Variants in POLN observed in about 807,000 individuals in gnomAD.
POLN encodes the protein DNA polymerase nu.
A neutral mutation model predicts 113.5 loss-of-function variants in POLN; 108 were observed. That is an observed-to-expected ratio of 0.95 (90% confidence interval 0.81 to 1.12). POLN has a LOEUF of 1.12. Ranked by LOEUF, POLN falls within the 50% of genes most tolerant of loss-of-function variation. The probability of loss-of-function intolerance (pLI) is 0.00; values close to 1 mark genes in which losing one functional copy is unlikely to be tolerated. For synonymous variants in POLN, 386 were observed against 391.5 expected (o/e 0.99, Z 0.17); for missense variants, 1,097 against 1,077.1 (o/e 1.02, Z -0.26).
At chr4:2,098,211 C>T (rs777971242) in intron 19 of POLN, among the ~76,000 whole-genome samples, 4 of 152,128 alleles carry the variant, frequency 2.6e-5, no homozygotes, top group East Asian at 1.9e-4. Context: ...GCCAGGAGTT[C>T]GAAACCAGCC....
intron 7 of POLN, among the ~76,000 whole-genome samples, chr4:2,182,642 C>T (rs1280009197): frequency 1.3e-5 from 2 of 152,102 alleles, no homozygotes; most frequent in African/African-American, 2.4e-5. Flanking sequence ...CAGACCCCTA[C>T]CTCACACCAT....
intron 4 of POLN, among the ~76,000 whole-genome samples, chr4:2,208,891 G>C (rs1364551863): frequency 6.6e-6 from 1 of 152,152 alleles, no homozygotes; most frequent in Non-Finnish European, 1.5e-5. Flanking sequence ...GGGAGGCTGA[G>C]GCAGGAGAAT....
rs773267145 is a variant in POLN at position 2,157,857 on chromosome 4, C to T, written c.1665+1G>A. 1 of 1,601,082 alleles carries T rather than the reference C, an allele frequency of 6.2e-7. No individual in the cohort carries two copies. Reference sequence around the variant, plus strand: ...CAGTATCTTTTTGTAAAGCTTGTTACCTTTTTCATGCAAGCTAGTAATCCA... The same window carrying T: ...CAGTATCTTTTTGTAAAGCTTGTTATCTTTTTCATGCAAGCTAGTAATCCA... On this transcript the variant is annotated splice_donor_variant, in intron 15 of 25. Coordinates refer to ENST00000511885, the MANE Select transcript of POLN (RefSeq NM_181808.4). LOFTEE classifies it high-confidence loss of function.
rs1731605134 is a variant in POLN at position 2,127,219 on chromosome 4, A to T, written c.1982+894T>A. On this transcript the variant is annotated intron_variant, in intron 19 of 25. Coordinates refer to ENST00000511885, the MANE Select transcript of POLN (RefSeq NM_181808.4). The surrounding 1 kb of genome is among the most constrained non-coding windows in gnomAD (Gnocchi z 4.7). ...AAGGTGATGGGGAGGTGGCACCTGC[A>T]GCTGATGAGGGAGGGGACAGTGACT... Among the ~76,000 whole-genome samples the T allele has an allele frequency of 6.6e-6, 1 of 151,776 alleles. No homozygotes were observed. Among genetic ancestry groups the T allele is most frequent in the South Asian group, 2.1e-4 (1 of 4,808 alleles).
intron 16 of POLN, among the ~76,000 whole-genome samples, chr4:2,154,684 T>C (rs646893): frequency 6.6e-6 from 1 of 152,202 alleles, no homozygotes; most frequent in Admixed American, 6.5e-5. Flanking sequence ...GTACCAAAAA[T>C]GTTCATGGTA....
In POLN at chr4:2,085,677, A is replaced by T. The variant is rs34554757; in HGVS notation, c.2133T>A (p.Phe711Leu). ...CCTTGATTTTCTTGTACTTCTGCAAAAAACTCTCCAAAAACTGGGCAGCTT... is the reference window on the plus strand; with the variant it reads ...CCTTGATTTTCTTGTACTTCTGCAATAAACTCTCCAAAAACTGGGCAGCTT... ...IQEAAQFLES[F>L]LQKYKKIKDF... Residue 711 changes from phenylalanine (F) to leucine (L), a missense_variant, in exon 21 of 26, where the codon TTT becomes TTA. Physicochemically the swap from Phe to Leu is conservative, Grantham distance 22. Coordinates refer to ENST00000511885, the MANE Select transcript of POLN (RefSeq NM_181808.4). 1 of 1,614,150 alleles carries T rather than the reference A, an allele frequency of 6.2e-7. No homozygotes were observed. The highest frequency in any genetic ancestry group is 2.2e-5 in the East Asian group (1 of 44,888).
At chr4:2,178,342 G>C (rs1344500757) in intron 8 of POLN, among the ~76,000 whole-genome samples, 1 of 152,216 alleles carries the variant, frequency 6.6e-6, no homozygotes, top group Non-Finnish European at 1.5e-5. Flanking sequence ...GTGATTGCTT[G>C]AGCTAGCTCA....
At chr4:2,121,450 A>ATAT (rs542371348) in intron 19 of POLN, among the ~76,000 whole-genome samples, 405 of 119,956 alleles carry the variant, frequency 3.4e-3, no homozygotes, top group Middle Eastern at 8.2e-3. Flanking sequence ...AAAAAAAAAA[A>ATAT]AAATATATAT....
At chr4:2,185,339 G>A (rs1311683492) in intron 7 of POLN, among the ~76,000 whole-genome samples, 5 of 152,210 alleles carry the variant, frequency 3.3e-5, no homozygotes. Flanking sequence ...GTAAAATCCA[G>A]ACTGTGAGAA....
chr4:2,212,333 A>G (rs1174773921), intron 4 of POLN, among the ~76,000 whole-genome samples: 2 of 151,838 alleles, frequency 1.3e-5, no homozygotes, highest in East Asian at 1.9e-4. Context: ...AAATTTCTCA[A>G]TGTTTTGCCT....
intron 6 of POLN, among the ~76,000 whole-genome samples, chr4:2,194,563 GAGA>G (rs1286810033): frequency 6.6e-6 from 1 of 152,130 alleles, no homozygotes; most frequent in African/African-American, 2.4e-5. Context: ...GCTTATGAAG[GAGA>G]AGAACTGGGG....
chr4:2,186,516 A>G (rs1349699574), intron 7 of POLN, among the ~76,000 whole-genome samples: 1 of 152,192 alleles, frequency 6.6e-6, no homozygotes, highest in African/African-American at 2.4e-5. Context: ...GAAGTTTGCT[A>G]GAGCCGAGGC....
Position 2,207,653 on chromosome 4 carries a change from T to C in POLN, c.714+334A>G, listed in dbSNP as rs575259579. ...AAAGATGCTCAATGTCACTAGATAA[T>C]AGGGAAATACAATTTAAAACCACTA... On this transcript the variant is annotated intron_variant, in intron 5 of 25. Coordinates refer to ENST00000511885, the MANE Select transcript of POLN (RefSeq NM_181808.4). Among the ~76,000 whole-genome samples, 10 of 152,056 alleles carry C rather than the reference T, an allele frequency of 6.6e-5. No homozygotes were observed. The South Asian group carries it at 1.9e-3, about 28-fold the overall frequency.
rs561253990 is a variant in POLN at position 2,093,198 on chromosome 4, C to G, written c.2065+2653G>C. 6.6e-6 allele frequency among the ~76,000 whole-genome samples: 1 copy of G among 152,326 alleles called. No homozygotes were observed. The highest frequency in any genetic ancestry group is 6.5e-5 in the Admixed American group (1 of 15,308). On this transcript the variant is annotated intron_variant, in intron 20 of 25. Coordinates refer to ENST00000511885, the MANE Select transcript of POLN (RefSeq NM_181808.4). The surrounding 1 kb of genome is among the most constrained non-coding windows in gnomAD (Gnocchi z 4.1). The stretch of plus-strand genomic sequence containing the variant: ...GGGCATCCATCCTGCTGGAGGACAG[C>G]TGCCCCACGGCAGGTGCTCGGCACT...
At chr4:2,144,566 ATAAT>A (rs1329349866) in intron 16 of POLN, among the ~76,000 whole-genome samples, 10 of 152,172 alleles carry the variant, frequency 6.6e-5, no homozygotes, top group African/African-American at 2.4e-4. Flanking sequence ...TAACCTACAA[ATAAT>A]TAATATTTAA....
intron 7 of POLN, among the ~76,000 whole-genome samples, chr4:2,189,288 T>C (rs921344141): frequency 3.3e-5 from 5 of 152,228 alleles, no homozygotes; most frequent in African/African-American, 1.2e-4. Context: ...CCCACTTTAC[T>C]TATACAGACT....
chr4:2,234,600 G>A (rs1350599625), intron 2 of POLN: 2 of 152,222 alleles, frequency 1.3e-5, no homozygotes, highest in African/African-American at 4.8e-5. Flanking sequence ...CCGTGAATCA[G>A]GACTTAACTA....
At position 2,128,207 on chromosome 4, in the gene POLN, G is replaced by T. The variant is rs201300268; in HGVS notation, c.1888C>A (p.Arg630Ser). Reference protein sequence around the residue: ...LAADFSQIELRILTHLSGDPE... With the variant: ...LAADFSQIELSILTHLSGDPE... ...TCTCCAGATAAATGTGTAAGAATGCGCAATTCAATCTGTGAAAAGTCTGTG... is the reference window on the plus strand; with the variant it reads ...TCTCCAGATAAATGTGTAAGAATGCTCAATTCAATCTGTGAAAAGTCTGTG... The change falls in exon 19 of 26, where the codon CGC (arginine) becomes AGC (serine). Residue 630 changes from arginine to serine, a missense_variant. Physicochemically the swap from Arg to Ser is moderately radical, Grantham distance 110. Coordinates refer to ENST00000511885, the MANE Select transcript of POLN (RefSeq NM_181808.4). The T allele has an allele frequency of 1.2e-6, 2 of 1,607,696 alleles. No homozygotes were observed. Among genetic ancestry groups the T allele is most frequent in the East Asian group, 2.2e-5 (1 of 44,832 alleles).
intron 19 of POLN, among the ~76,000 whole-genome samples, chr4:2,103,699 C>A (rs762872625): frequency 6.6e-6 from 1 of 152,132 alleles, no homozygotes; most frequent in Non-Finnish European, 1.5e-5. Context: ...ATTCTAAAGT[C>A]CGCAAGAGAG....
Sources: allele counts gnomAD v4.1 joint callset (sites outside exome capture counted in the v4.1 genomes callset), GRCh38; gene constraint gnomAD v4.1.1; non-coding constraint Gnocchi (gnomAD v3.1); transcripts MANE v1.5; gene names NCBI Gene and HGNC (gene_info 2026-07-23, HGNC 2026-07-21).